The following FHOD1 variants were observed in gnomAD, a reference collection of about 807,000 sequenced individuals.
The protein encoded by FHOD1 is formin homology 2 domain containing 1, also known as FH1/FH2 domain-containing protein 1.
FHOD1 carries 89 observed loss-of-function variants against 111.6 expected under a neutral mutation model. The ratio of observed to expected loss-of-function variants is 0.80; its 90% CI spans 0.67 to 0.95. FHOD1 has a LOEUF of 0.95. FHOD1 is among the 40% of genes least tolerant of loss of function. The pLI is 0.00. For missense variants in FHOD1, 1,446 were observed against 1,554.2 expected (o/e 0.93, Z 1.17); for synonymous variants, 618 against 639.0 (o/e 0.97, Z 0.50).
intron 1 of FHOD1, among the ~76,000 whole-genome samples, chr16:67,241,384 C>T (rs200742083): frequency 6.6e-6 from 1 of 152,198 alleles, no homozygotes; most frequent in East Asian, 1.9e-4. Flanking sequence ...TCTCTTCCCA[C>T]ACAGTGACTC....
intron 1 of FHOD1, among the ~76,000 whole-genome samples, chr16:67,244,505 G>A (rs2034755696): frequency 6.6e-6 from 1 of 152,094 alleles, no homozygotes; most frequent in East Asian, 1.9e-4. Context: ...AGAGGCTGTG[G>A]CCAGGAGCTT....
chr16:67,242,849 C>T (rs1205491722), intron 1 of FHOD1, among the ~76,000 whole-genome samples: 2 of 152,070 alleles, frequency 1.3e-5, no homozygotes, highest in African/African-American at 4.8e-5. Context: ...GCCCAGGGGA[C>T]CATGGCATCT....
intron 11 of FHOD1, 111 bp downstream of exon 11, chr16:67,236,446 G>C: frequency 6.6e-7 from 1 of 1,516,546 alleles, no homozygotes; most frequent in Middle Eastern, 2.1e-4. Context: ...TGGAAAGAGA[G>C]AGAGAGAAAG....
rs762830872 is a variant in FHOD1, at chr16:67,232,022, T to C, written c.2202+17A>G. ...AGGCCAGACCTCCCCCCAACACCCA[T>C]AGCTGGGTGACCTCACCTCAATGCC... is the stretch of plus-strand genomic sequence containing the variant. On this transcript the variant is annotated intron_variant, in intron 14 of 21. Transcript: ENST00000258201. 1.2e-6 allele frequency: 2 copies of C among 1,613,692 alleles called. No homozygotes were observed. Among genetic ancestry groups the C allele is most frequent in the South Asian group, 2.2e-5 (2 of 91,044 alleles).
At position 67,231,454 on chromosome 16, in the gene FHOD1, C is replaced by T; in HGVS notation, c.2481G>A (p.Val827=). The T allele has an allele frequency of 6.2e-7, 1 of 1,614,154 alleles. No homozygotes were observed. The highest frequency in any genetic ancestry group is 8.5e-7 in the Non-Finnish European group (1 of 1,180,024). The stretch of plus-strand genomic sequence containing the variant: ...CCTGGGAGCCATTGAGGAAGTTGCC[C>T]ACCGCTAGGAGGGTAGCCAGGATGC... The part of the protein sequence containing the change: ...FRCILATLLA[V]GNFLNGSQSS... The change falls in exon 16 of 22, where the codon GTG becomes GTA. Residue 827 remains valine, a synonymous_variant. Coordinates refer to ENST00000258201, the MANE Select transcript of FHOD1 (RefSeq NM_013241.3). The surrounding 1 kb of genome is among the most constrained non-coding windows in gnomAD (Gnocchi z 4.3).
intron 1 of FHOD1, among the ~76,000 whole-genome samples, chr16:67,245,032 C>T (rs1382149109): frequency 1.3e-5 from 2 of 152,182 alleles, no homozygotes; most frequent in Non-Finnish European, 2.9e-5. Flanking sequence ...TATTCTCAGC[C>T]CCTCTTCCTC....
At chr16:67,246,151 G>A (rs1001083234) in intron 1 of FHOD1, among the ~76,000 whole-genome samples, 2 of 152,218 alleles carry the variant, frequency 1.3e-5, no homozygotes, top group Non-Finnish European at 2.9e-5. Context: ...GCTGGCCGCA[G>A]CGCGAGGAAT....
Position 67,237,877 on chromosome 16 carries a change from A to G in FHOD1, c.643-109T>C. 1 of 1,334,036 alleles carries G rather than the reference A, an allele frequency of 7.5e-7. No homozygotes were observed. Among genetic ancestry groups the G allele is most frequent in the Non-Finnish European group, 1.1e-6 (1 of 936,682 alleles). 82.6% of individuals were successfully genotyped at this position (1,334,036 alleles called of 1,614,324 possible). A position where few individuals can be genotyped will look rare whatever the true frequency, so the allele number is the denominator to read the frequency against. ...GGCTGGACCCAGAGAGAATCTAGGC[A>G]GAATGACCCTGGCCCCAGGCCCAGG... is the stretch of plus-strand genomic sequence containing the variant. On this transcript the variant is annotated intron_variant, in intron 6 of 21. Coordinates refer to ENST00000258201, the MANE Select transcript of FHOD1 (RefSeq NM_013241.3). This position sits in a 1 kb window ranked among gnomAD's most constrained non-coding sequence, Gnocchi z 5.6.
chr16:67,234,012 T>A lies in FHOD1; in HGVS notation c.1691A>T (p.Glu564Val), dbSNP rs777856944. The change falls in exon 13 of 22, where the codon GAG becomes GTG. Residue 564 changes from glutamate to valine, a missense_variant. Coordinates refer to ENST00000258201, the MANE Select transcript of FHOD1 (RefSeq NM_013241.3). ...DQDMLNVESV[E>V]AGKDIPAPSP... ...GGGAGCTGGGATGTCTTTCCCAGCC[T>A]CCACAGACTCTACATTCAGCATGTC... 1.9e-6 allele frequency: 3 copies of A among 1,613,462 alleles called. No individual in the cohort carries two copies. Among genetic ancestry groups the A allele is most frequent in the Admixed American group, 1.7e-5 (1 of 60,004 alleles).
At position 67,247,371 on chromosome 16, in the gene FHOD1, A is replaced by T; in HGVS notation, c.40T>A (p.Ser14Thr). The T allele has an allele frequency of 6.2e-7, 1 of 1,613,434 alleles. No homozygotes were observed. Among genetic ancestry groups the T allele is most frequent in the South Asian group, 1.1e-5 (1 of 91,072 alleles). The part of the protein sequence containing the change: ...GEDRGDGEPV[S>T]VVTVRVQYLE... ...TACTGCACCCTCACGGTCACCACTG[A>T]TACCGGCTCTCCGTCCCCGCGGTCT... The change falls in exon 1 of 22, where the codon TCA becomes ACA. Residue 14 changes from serine to threonine, a missense_variant. Ser to Thr is a moderately conservative substitution (Grantham distance 58). Around this residue, in one of 3 missense-constraint regions of FHOD1, gnomAD observed 127 missense variants for 118.0 expected, o/e 1.08. Coordinates refer to ENST00000258201, the MANE Select transcript of FHOD1 (RefSeq NM_013241.3).
At position 67,230,310 on chromosome 16, in the gene FHOD1, C is replaced by A. The variant is rs528954834; in HGVS notation, c.3051+4G>T. ...TCAAGACTAAGACCTGGAAGGGCAC[C>A]CACCTCGGTGATCATGCGTCCCCGG... is the stretch of plus-strand genomic sequence containing the variant. On this transcript the variant is annotated splice_donor_region_variant and intron_variant, in intron 19 of 21. Coordinates refer to ENST00000258201, the MANE Select transcript of FHOD1 (RefSeq NM_013241.3). The A allele has an allele frequency of 1.9e-6, 3 of 1,614,122 alleles. No homozygotes were observed. The South Asian group carries it at 3.3e-5, about 18-fold the overall frequency.
intron 13 of FHOD1, 21 bp from the exon 14 acceptor site, chr16:67,232,215 C>T: frequency 1.2e-6 from 2 of 1,612,718 alleles, no homozygotes; most frequent in Non-Finnish European, 1.7e-6. Context: ...GGGGGAAGGG[C>T]AGTGTAAGAC....
intron 1 of FHOD1, among the ~76,000 whole-genome samples, chr16:67,243,567 C>T (rs2142305433): frequency 6.6e-6 from 1 of 152,130 alleles, no homozygotes; most frequent in South Asian, 2.1e-4. Context: ...GATAGGGAAA[C>T]CAAGAATCAG....
At position 67,230,728 on chromosome 16, in the gene FHOD1, C is replaced by G. The variant is rs2034231563; in HGVS notation, c.2731G>C (p.Glu911Gln). 6.2e-7 allele frequency: 1 copy of G among 1,611,846 alleles called. No homozygotes were observed. The highest frequency in any genetic ancestry group is 2.2e-5 in the East Asian group (1 of 44,818). ...QLERRSRAAE[E>Q]SLRSLAKHEL... Reference sequence around the variant, plus strand: ...TGCTTGGCCAAGCTCCGCAGGCTCTCCTCGGCTGCCCGGCTCCGGCGCTCC... The same window carrying G: ...TGCTTGGCCAAGCTCCGCAGGCTCTGCTCGGCTGCCCGGCTCCGGCGCTCC... Residue 911 changes from glutamate to glutamine, a missense_variant, in exon 18 of 22, where the codon GAG becomes CAG. Glu to Gln is a conservative substitution (Grantham distance 29). This residue lies in a region of FHOD1 where 1,085 missense variants were observed against 1,108.8 expected (regional missense o/e 0.98). Coordinates refer to ENST00000258201, the MANE Select transcript of FHOD1 (RefSeq NM_013241.3).
At position 67,238,407 on chromosome 16, in the gene FHOD1, G is replaced by A. The variant is rs1460422046; in HGVS notation, c.414C>T (p.Ser138=). 1 of 1,614,136 alleles carries A rather than the reference G, an allele frequency of 6.2e-7. No individual in the cohort carries two copies. Among genetic ancestry groups the A allele is most frequent in the Admixed American group, 1.7e-5 (1 of 60,018 alleles). Residue 138 remains serine (S), a synonymous_variant, in exon 4 of 22, where the codon TCC becomes TCT. Coordinates refer to ENST00000258201, the MANE Select transcript of FHOD1 (RefSeq NM_013241.3). The surrounding 1 kb of genome is among the most constrained non-coding windows in gnomAD (Gnocchi z 4.2). ...GGAAGATCTGCTTCAGTGAGAAGAG[G>A]GAGCGGCGGAGCTCAGGACCACTGG... ...YSSSGPELRR[S]LFSLKQIFQE... is the part of the protein sequence containing the mutation.
chr16:67,239,264 T>C, intron 2 of FHOD1, 84 bp downstream of exon 2: 2 of 1,071,156 alleles, frequency 1.9e-6, no homozygotes, highest in East Asian at 4.7e-5. Flanking sequence ...AGGCTAGTGA[T>C]CGAGTGTCTC....
chr16:67,234,144 A>G lies in FHOD1; in HGVS notation c.1559T>C (p.Ile520Thr), dbSNP rs753670739. ...SLAPEPKEPL[I>T]PASPKAEPIW... The stretch of plus-strand genomic sequence containing the variant: ...GGGCTCAGCCTTGGGGCTTGCTGGT[A>G]TCAGTGGCTCCTTGGGCTCTGGTGC... The change falls in exon 13 of 22, where the codon ATA (isoleucine) becomes ACA (threonine). Residue 520 changes from isoleucine (I) to threonine (T), a missense_variant. Around this residue, in one of 3 missense-constraint regions of FHOD1, gnomAD observed 1,085 missense variants for 1,108.8 expected, o/e 0.98. Transcript: ENST00000258201. 16 of 1,565,686 alleles carry G rather than the reference A, an allele frequency of 1.0e-5. No individual in the cohort carries two copies. The highest frequency in any genetic ancestry group is 1.8e-5 in the Admixed American group (1 of 55,514).
At chr16:67,235,529 CAA>C (rs539631946) in intron 11 of FHOD1, among the ~76,000 whole-genome samples, 3 of 71,624 alleles carry the variant, frequency 4.2e-5, no homozygotes, top group Admixed American at 1.7e-4. Flanking sequence ...GACTCTGTCT[CAA>C]AAAAAAAAAA....
Position 67,230,764 on chromosome 16 carries a change from G to C in FHOD1, c.2695C>G (p.Leu899Val). ...KVDFEQLTEN[L>V]GQLERRSRAA... ...CGGCTCCGGCGCTCCAGCTGCCCCA[G>C]GTTCTCAGTCAGCTGTTCAAAGTCC... is the stretch of plus-strand genomic sequence containing the variant. Residue 899 changes from leucine to valine, a missense_variant, in exon 18 of 22, where the codon CTG becomes GTG. This residue lies in a region of FHOD1 where 1,085 missense variants were observed against 1,108.8 expected (regional missense o/e 0.98). Transcript: ENST00000258201. 1 of 1,604,978 alleles carries C rather than the reference G, an allele frequency of 6.2e-7. No individual in the cohort carries two copies. Among genetic ancestry groups the C allele is most frequent in the East Asian group, 2.2e-5 (1 of 44,758 alleles).
Sources: gnomAD v4.1 joint callset for allele counts (sites outside exome capture counted in the v4.1 genomes callset) on GRCh38, gnomAD v4.1.1 for gene constraint, gnomAD v4.1.1 regional missense constraint, Gnocchi (gnomAD v3.1) non-coding constraint, MANE v1.5 for transcripts, NCBI Gene and HGNC (gene_info 2026-07-23, HGNC 2026-07-21) for gene names.